The following DMD variants were observed in gnomAD, a reference collection of about 807,000 sequenced individuals.
DMD encodes dystrophin.
Under a neutral mutation model 330.1 loss-of-function variants are expected in DMD, and 63 were observed. The ratio of observed to expected loss-of-function variants is 0.19; its 90% confidence interval spans 0.16 to 0.24. The LOEUF is 0.24. Ranked by LOEUF, DMD falls within the 10% of genes least tolerant of loss-of-function variation. The pLI, the probability that DMD is intolerant of heterozygous loss-of-function variation, is 1.00. For missense variants in DMD, 3,344 were observed against 2,684.1 expected (o/e 1.25, Z -5.43); for synonymous variants, 1,223 against 959.8 (o/e 1.27, Z -5.07).
intron 55 of DMD, among the ~76,000 whole-genome samples, chrX:31,580,242 G>A (rs1012815249): frequency 4.5e-5 from 5 of 112,056 alleles, no homozygotes; most frequent in Non-Finnish European, 9.4e-5. Flanking sequence ...TACCACAGGG[G>A]GAAATAAAAC....
At chrX:31,737,537 A>G (rs906284504) in intron 51 of DMD, among the ~76,000 whole-genome samples, 1 of 111,440 alleles carries the variant, frequency 9.0e-6, no homozygotes, top group Non-Finnish European at 1.9e-5. Flanking sequence ...TGAGTAAAGG[A>G]ACCTAGCCAT....
intron 43 of DMD, among the ~76,000 whole-genome samples, chrX:32,263,274 A>G (rs1171413441): frequency 8.9e-6 from 1 of 112,221 alleles, no homozygotes; most frequent in East Asian, 2.8e-4. Flanking sequence ...AGAAAGCTCA[A>G]GAAGGAGATA....
intron 20 of DMD, among the ~76,000 whole-genome samples, chrX:32,487,634 A>C (rs2042611079): frequency 9.0e-6 from 1 of 111,428 alleles, no homozygotes; most frequent in Admixed American, 9.6e-5. Context: ...TTGCAAGACT[A>C]ATGTACAATG....
At chrX:32,962,391 T>G (rs779498768) in intron 2 of DMD, among the ~76,000 whole-genome samples, 4 of 112,006 alleles carry the variant, frequency 3.6e-5, no homozygotes, top group Non-Finnish European at 7.5e-5. Flanking sequence ...TGCCCTTTGT[T>G]TTATATTCGT....
chrX:31,634,344 G>T (rs2079288562), intron 54 of DMD, among the ~76,000 whole-genome samples: 4 of 111,502 alleles, frequency 3.6e-5, no homozygotes, highest in African/African-American at 1.3e-4. Flanking sequence ...AGAGTTAATT[G>T]GAAACCATGA....
chrX:32,779,242 A>G (rs531728441), intron 7 of DMD, among the ~76,000 whole-genome samples: 4 of 106,192 alleles, frequency 3.8e-5, no homozygotes, highest in African/African-American at 1.5e-4. Flanking sequence ...CCCCTTTATT[A>G]TTGATTTTAC....
intron 76 of DMD, among the ~76,000 whole-genome samples, chrX:31,144,608 A>G: frequency 8.9e-6 from 1 of 111,944 alleles, no homozygotes; most frequent in Non-Finnish European, 1.9e-5. Context: ...GAGCTCAAGT[A>G]TGAAATGAAT....
At position 31,938,708 on chromosome X, in the gene DMD, C is replaced by T. The variant is rs1399922534; in HGVS notation, c.6615-6481G>A. 6.3e-5 allele frequency among the ~76,000 whole-genome samples: 7 copies of T among 111,858 alleles called. No homozygotes were observed. In the East Asian group the frequency reaches 1.7e-3, roughly 27 times the overall value. On this transcript the variant is annotated intron_variant, in intron 45 of 78. Transcript: ENST00000357033. ...AATTTTACTGCAAGCCACAAGCACACATTTACATAACAGAATACAGTTTTA... is the reference window on the plus strand; with the variant it reads ...AATTTTACTGCAAGCCACAAGCACATATTTACATAACAGAATACAGTTTTA...
intron 44 of DMD, among the ~76,000 whole-genome samples, chrX:32,186,341 A>G (rs190653253): frequency 1.7e-3 from 190 of 111,378 alleles, no homozygotes; most frequent in African/African-American, 5.7e-3. Flanking sequence ...CAATTTTGTT[A>G]GGAAATGTAA....
At chrX:32,451,626 A>T (rs1321976374) in intron 26 of DMD, among the ~76,000 whole-genome samples, 1 of 42,686 alleles carries the variant, frequency 2.3e-5, no homozygotes, top group Non-Finnish European at 3.6e-5. Flanking sequence ...ACAGGAAAGA[A>T]CATAAACAGA....
intron 7 of DMD, among the ~76,000 whole-genome samples, chrX:32,709,219 C>A (rs765205051): frequency 3.6e-4 from 40 of 111,049 alleles, no homozygotes; most frequent in Non-Finnish European, 4.3e-4. Context: ...GAAAAAAATG[C>A]AATTTAGAAA....
intron 1 of DMD, among the ~76,000 whole-genome samples, chrX:33,294,696 T>C (rs1326201936): frequency 9.1e-6 from 1 of 110,068 alleles, no homozygotes; most frequent in African/African-American, 3.3e-5. Context: ...GCAAATACTC[T>C]TCTAGTTAAC....
At position 32,501,861 on chromosome X, in the gene DMD, G is replaced by A; in HGVS notation, c.2293-19C>T. The A allele has an allele frequency of 1.8e-6, 2 of 1,129,173 alleles. No homozygotes were observed. Among genetic ancestry groups the A allele is most frequent in the South Asian group, 3.8e-5 (2 of 53,243 alleles). 93.1% of individuals were successfully genotyped at this position (1,129,173 alleles called of 1,213,427 possible). ...CTATGGCCTGCAGCATGAGAGCAAAGATGAGTAATTCAATACAAGGACTGT... is the reference window on the plus strand; with the variant it reads ...CTATGGCCTGCAGCATGAGAGCAAAAATGAGTAATTCAATACAAGGACTGT... On this transcript the variant is annotated intron_variant, in intron 18 of 78. Coordinates refer to ENST00000357033, the MANE Select transcript of DMD (RefSeq NM_004006.3).
chrX:32,619,897 G>C (rs2057866329), intron 11 of DMD, among the ~76,000 whole-genome samples: 1 of 111,655 alleles, frequency 9.0e-6, no homozygotes, highest in Admixed American at 9.5e-5. Flanking sequence ...CATGGAACAA[G>C]AGCTGTCCAA....
At chrX:32,443,063 C>T (rs758761772) in intron 27 of DMD, among the ~76,000 whole-genome samples, 4 of 110,483 alleles carry the variant, frequency 3.6e-5, no homozygotes, top group Non-Finnish European at 7.6e-5. Context: ...AATGTAACAA[C>T]GGTCATTTTC....
chrX:31,631,366 A>C (rs759003132), intron 54 of DMD, among the ~76,000 whole-genome samples: 6 of 111,320 alleles, frequency 5.4e-5, no homozygotes, highest in Admixed American at 9.6e-5. Flanking sequence ...AGCTGGACTC[A>C]GCTAAAGAGA....
chrX:32,131,826 C>A (rs1395206490), intron 44 of DMD, among the ~76,000 whole-genome samples: 1 of 112,079 alleles, frequency 8.9e-6, no homozygotes, highest in Non-Finnish European at 1.9e-5. Context: ...GTATAGTGCT[C>A]TACACTGGAT....
intron 16 of DMD, among the ~76,000 whole-genome samples, chrX:32,560,181 C>T (rs1054123159): frequency 4.5e-5 from 4 of 89,051 alleles, no homozygotes; most frequent in Admixed American, 3.6e-4. Flanking sequence ...CCTTTAGACT[C>T]GCTTGAAAAA....
chrX:32,343,096 T>C, intron 40 of DMD, 38 bp downstream of exon 40: 1 of 1,162,283 alleles, frequency 8.6e-7, no homozygotes, highest in Non-Finnish European at 1.2e-6. Context: ...TTAAACTGTA[T>C]AATAAAATCT....
Sources: allele counts gnomAD v4.1 joint callset (sites outside exome capture counted in the v4.1 genomes callset), GRCh38; gene constraint gnomAD v4.1.1; transcripts MANE v1.5; gene names NCBI Gene and HGNC (gene_info 2026-07-23, HGNC 2026-07-21).